Variants in MDGA2 observed in about 807,000 individuals in gnomAD.
MDGA2 encodes the protein MAM domain-containing glycosylphosphatidylinositol anchor protein 2.
In MDGA2, 40 loss-of-function variants were observed where a neutral mutation model predicts 117.8. That is an observed-to-expected ratio of 0.34 (90% CI 0.26 to 0.44). MDGA2 has a LOEUF of 0.44. Among genes scored for constraint, MDGA2 ranks in the 20% least tolerant of loss-of-function variants. MDGA2 has a pLI of 1.00. For synonymous variants in MDGA2, 452 were observed against 439.0 expected (o/e 1.03, Z -0.37); for missense variants, 1,123 against 1,250.6 (o/e 0.90, Z 1.54).
intron 8 of MDGA2, among the ~76,000 whole-genome samples, chr14:47,020,144 T>G (rs199814613): frequency 2.2e-5 from 1 of 46,362 alleles, no homozygotes; most frequent in Non-Finnish European, 5.1e-5. Context: ...AATGCGGATC[T>G]TCAATCTTTT....
intron 1 of MDGA2, among the ~76,000 whole-genome samples, chr14:47,643,809 A>C (rs1897473671): frequency 6.6e-6 from 1 of 152,160 alleles, no homozygotes; most frequent in Admixed American, 6.5e-5. Flanking sequence ...TTTAAATGGC[A>C]TAGATTCTCC....
At chr14:47,223,182 C>G (rs1388412818) in intron 2 of MDGA2, among the ~76,000 whole-genome samples, 1 of 152,076 alleles carries the variant, frequency 6.6e-6, no homozygotes, top group Non-Finnish European at 1.5e-5. Flanking sequence ...ATTACCTTCC[C>G]CTGGGTCCCT....
At chr14:47,374,655 C>T (rs578192879) in intron 1 of MDGA2, among the ~76,000 whole-genome samples, 1 of 152,092 alleles carries the variant, frequency 6.6e-6, no homozygotes, top group South Asian at 2.1e-4. Context: ...TGTGACAGAT[C>T]AATTTAGGAG....
chr14:47,549,135 C>A (rs1895526288), intron 1 of MDGA2, among the ~76,000 whole-genome samples: 2 of 152,078 alleles, frequency 1.3e-5, no homozygotes, highest in Non-Finnish European at 2.9e-5. Context: ...TGATACCCTG[C>A]TGGTTTCCAT....
At chr14:47,077,740 T>C (rs905525527) in intron 6 of MDGA2, among the ~76,000 whole-genome samples, 8 of 152,078 alleles carry the variant, frequency 5.3e-5, no homozygotes, top group African/African-American at 1.4e-4. Context: ...TTCTATATAT[T>C]TTACAATGGT....
intron 1 of MDGA2, among the ~76,000 whole-genome samples, chr14:47,464,428 T>C (rs1893557492): frequency 6.6e-6 from 1 of 152,100 alleles, no homozygotes; most frequent in East Asian, 1.9e-4. Context: ...TTATTCTGTA[T>C]CTAGAAAACC....
intron 1 of MDGA2, among the ~76,000 whole-genome samples, chr14:47,495,623 T>A (rs1263010408): frequency 6.6e-6 from 1 of 152,204 alleles, no homozygotes; most frequent in South Asian, 2.1e-4. Flanking sequence ...GTAGCCTCAA[T>A]TTTCTATCTG....
At chr14:47,149,388 C>T (rs1883075346) in intron 3 of MDGA2, among the ~76,000 whole-genome samples, 1 of 152,152 alleles carries the variant, frequency 6.6e-6, no homozygotes, top group African/African-American at 2.4e-5. Context: ...CCTGTCATCC[C>T]CGCTGTTACG....
chr14:47,168,272 G>A (rs79069872), intron 3 of MDGA2, among the ~76,000 whole-genome samples: 1,760 of 131,958 alleles, frequency 0.013, 4 homozygotes, highest in Middle Eastern at 0.045. Flanking sequence ...GTGACAGGGC[G>A]GAACTCCATC....
At chr14:47,113,735 T>C (rs2209649) in intron 5 of MDGA2, among the ~76,000 whole-genome samples, 58,974 of 151,890 alleles carry the variant, frequency 0.39, 11,610 homozygotes, top group East Asian at 0.53. Flanking sequence ...CTCAATAAAC[T>C]AGGTATTGAT....
chr14:46,986,235 G>A (rs1258834622), intron 8 of MDGA2, among the ~76,000 whole-genome samples: 6 of 152,036 alleles, frequency 3.9e-5, no homozygotes, highest in Non-Finnish European at 8.8e-5. Context: ...CAAGAACAGT[G>A]TCACACGCAG....
At chr14:47,403,968 C>T (rs1388821371) in intron 1 of MDGA2, among the ~76,000 whole-genome samples, 1 of 152,082 alleles carries the variant, frequency 6.6e-6, no homozygotes, top group South Asian at 2.1e-4. Flanking sequence ...CTTGTCTCAC[C>T]ATACAGCTGC....
chr14:46,841,967 A>C lies in MDGA2; in HGVS notation c.3042T>G (p.Ile1014Met), dbSNP rs1880632306. The change falls in exon 17 of 17, where the codon ATT (isoleucine) becomes ATG (methionine). Residue 1014 changes from isoleucine to methionine, a missense_variant. By Grantham distance (10) the Ile-to-Met change is conservative. Coordinates refer to ENST00000399232, the MANE Select transcript of MDGA2 (RefSeq NM_001113498.3). ...GACTTAAGATAGAGATGAGGACGAT[A>C]ATGGGAAAAAGCCATATATGAACCA... ...GILVHIWLFP[I>M]IVLISILSPR... 1 of 1,612,854 alleles carries C rather than the reference A, an allele frequency of 6.2e-7. No homozygotes were observed. The highest frequency in any genetic ancestry group is 8.5e-7 in the Non-Finnish European group (1 of 1,179,260).
intron 1 of MDGA2, among the ~76,000 whole-genome samples, chr14:47,498,571 G>T (rs1271471065): frequency 6.6e-6 from 1 of 151,970 alleles, no homozygotes; most frequent in Non-Finnish European, 1.5e-5. Context: ...ACTTTTGAGT[G>T]AACACACGAA....
At chr14:47,594,606 A>G (rs1896501322) in intron 1 of MDGA2, among the ~76,000 whole-genome samples, 1 of 152,170 alleles carries the variant, frequency 6.6e-6, no homozygotes, top group Non-Finnish European at 1.5e-5. Context: ...ACTGCCCCCT[A>G]AGTGTTGCTG....
intron 1 of MDGA2, among the ~76,000 whole-genome samples, chr14:47,325,037 T>C (rs1049267276): frequency 1.3e-5 from 2 of 152,106 alleles, no homozygotes; most frequent in African/African-American, 4.8e-5. Flanking sequence ...ATTATTGTGT[T>C]GTAGCACAAC....
At chr14:47,070,850 C>T (rs866684090) in intron 6 of MDGA2, among the ~76,000 whole-genome samples, 10 of 152,302 alleles carry the variant, frequency 6.6e-5, no homozygotes, top group African/African-American at 1.2e-4. Flanking sequence ...TCAGGTGATC[C>T]GCCTGCCTCG....
chr14:46,861,809 C>T (rs1039730543), intron 14 of MDGA2, among the ~76,000 whole-genome samples: 1 of 151,822 alleles, frequency 6.6e-6, no homozygotes, highest in Non-Finnish European at 1.5e-5. Context: ...GAACTTTTCT[C>T]CCAGGAAGTT....
rs138382086 is a variant in MDGA2, at chr14:47,276,609, T to TAA, written c.420+24800_420+24801dup. Among the ~76,000 whole-genome samples, 154 of 152,066 alleles carry TAA rather than the reference T, an allele frequency of 1.0e-3. 1 individual carries two copies. The highest frequency in any genetic ancestry group is 1.9e-3 in the Non-Finnish European group (130 of 67,970). ...TGTCTCCAATGGAAGTTATCTCTGATAAAAAAAATTCCAATTAAAAAAGAC... is the reference window on the plus strand; with the variant it reads ...TGTCTCCAATGGAAGTTATCTCTGATAAAAAAAAAATTCCAATTAAAAAAGAC... On this transcript the variant is annotated intron_variant, in intron 2 of 16. Transcript: ENST00000399232.
Sources: gnomAD v4.1 joint callset for allele counts (sites outside exome capture counted in the v4.1 genomes callset) on GRCh38, gnomAD v4.1.1 for gene constraint, MANE v1.5 for transcripts, NCBI Gene and HGNC (gene_info 2026-07-23, HGNC 2026-07-21) for gene names.